Variants in ANTXRL observed in about 807,000 individuals in gnomAD.
The protein encoded by ANTXRL is ANTXR like, also known as anthrax toxin receptor-like.
In ANTXRL, 63 loss-of-function variants were observed where a neutral mutation model predicts 75.4. That is an observed-to-expected ratio of 0.84 (90% CI 0.68 to 1.03). The LOEUF is 1.03. ANTXRL is among the 50% of genes least tolerant of loss of function. The probability of loss-of-function intolerance (pLI) is 0.00; values close to 1 mark genes in which losing one functional copy is unlikely to be tolerated. For missense variants in ANTXRL, 797 were observed against 789.4 expected, an observed-to-expected ratio of 1.01 and a Z score of -0.12; for synonymous variants, 335 against 291.3, an observed-to-expected ratio of 1.15 and a Z score of -1.53.
intron 12 of ANTXRL, 85 bp downstream of exon 12, chr10:46,307,565 T>G (rs1838167768): frequency 8.0e-7 from 1 of 1,249,702 alleles, no homozygotes. Flanking sequence ...GGCAGACCGT[T>G]CCCAGGCAGT....
rs781896937 is a variant in ANTXRL, at chr10:46,287,147, G to C, written c.-116G>C. ...GTGTGCACTGGTGAAAGGGCAGGAG[G>C]AGGGGTGTGGCCCCGGGCATAAGGG... On this transcript the variant is annotated 5_prime_UTR_variant, in exon 1 of 17. Coordinates refer to ENST00000620264, the MANE Select transcript of ANTXRL (RefSeq NM_001278688.3). The C allele has an allele frequency of 4.0e-5, 53 of 1,332,862 alleles. No homozygotes were observed. Among genetic ancestry groups the C allele is most frequent in the Non-Finnish European group, 5.2e-5 (52 of 999,794 alleles). The allele number at this position is 1,332,862 out of a possible 1,614,324, so 82.6% of individuals were successfully genotyped here.
intron 10 of ANTXRL, among the ~76,000 whole-genome samples, chr10:46,305,624 A>T (rs1180578380): frequency 6.6e-6 from 1 of 152,150 alleles, no homozygotes; most frequent in East Asian, 1.9e-4. Context: ...CAGCAGGCAG[A>T]TGCAGCAGGG....
At chr10:46,315,312 G>A (rs1213631639) in intron 16 of ANTXRL, among the ~76,000 whole-genome samples, 1 of 152,240 alleles carries the variant, frequency 6.6e-6, no homozygotes, top group Non-Finnish European at 1.5e-5. Flanking sequence ...TGAGGCTGGA[G>A]GAGAGAGAGT....
intron 9 of ANTXRL, 126 bp downstream of exon 9, chr10:46,298,188 G>A: frequency 2.2e-6 from 2 of 902,432 alleles, no homozygotes; most frequent in African/African-American, 3.3e-5. Flanking sequence ...TGAGTGTGGT[G>A]TGTGTATGTG....
intron 3 of ANTXRL, among the ~76,000 whole-genome samples, chr10:46,294,937 C>T (rs1554958095): frequency 1.3e-5 from 2 of 152,240 alleles, no homozygotes; most frequent in African/African-American, 2.4e-5. Context: ...TGTGCAGGCT[C>T]AGCCTGTCAC....
At position 46,287,554 on chromosome 10, in the gene ANTXRL, C is replaced by G. The variant is rs1554955582; in HGVS notation, c.248+44C>G. The stretch of plus-strand genomic sequence containing the variant: ...TCTGGCCCTGGGTCACCCTCAGGAG[C>G]CACTGTCTCTTTTTCACTAGGGACA... On this transcript the variant is annotated intron_variant, in intron 1 of 16. Transcript: ENST00000620264. 9 of 1,505,582 alleles carry G rather than the reference C, an allele frequency of 6.0e-6. No individual in the cohort carries two copies. In the Admixed American group the frequency reaches 6.5e-5, roughly 11 times the overall value. The allele number at this position is 1,505,582 out of a possible 1,614,324, so 93.3% of individuals were successfully genotyped here.
chr10:46,317,969 C>A (rs1251800314), intron 16 of ANTXRL, among the ~76,000 whole-genome samples: 5 of 152,098 alleles, frequency 3.3e-5, no homozygotes, highest in Non-Finnish European at 7.4e-5. Flanking sequence ...TACACTTACC[C>A]CACAGATTCA....
rs782642925 is a variant in ANTXRL at position 46,302,814 on chromosome 10, A to C, written c.889A>C (p.Ile297Leu). ...ICRFIFNEST[I>L]IDEKPTSIDN... is the part of the protein sequence containing the mutation. ...CAGATTTATCTTCAATGAAAGCACT[A>C]TCATTGGTAAGTTGTCTCCTCTGTG... is the stretch of plus-strand genomic sequence containing the variant. Residue 297 changes from isoleucine to leucine, a missense_variant, in exon 10 of 17, where the codon ATC becomes CTC. By Grantham distance (5) the Ile-to-Leu change is conservative. Transcript: ENST00000620264. 2 of 1,531,024 alleles carry C rather than the reference A, an allele frequency of 1.3e-6. No homozygotes were observed. The highest frequency in any genetic ancestry group is 1.4e-5 in the African/African-American group (1 of 72,958). 94.8% of individuals were successfully genotyped at this position (1,531,024 alleles called of 1,614,324 possible).
chr10:46,323,030 C>T (rs569822298), intron 16 of ANTXRL, among the ~76,000 whole-genome samples: 1 of 152,078 alleles, frequency 6.6e-6, no homozygotes, highest in Non-Finnish European at 1.5e-5. Flanking sequence ...TAATGAGGAT[C>T]CCACTAGAAG....
intron 16 of ANTXRL, among the ~76,000 whole-genome samples, chr10:46,322,053 C>T (rs960737146): frequency 3.9e-5 from 6 of 152,040 alleles, no homozygotes; most frequent in African/African-American, 9.7e-5. Context: ...ATTTCTCCAG[C>T]GAGTCGCCAG....
At chr10:46,297,553 G>A in intron 7 of ANTXRL, 79 bp downstream of exon 7, 1 of 1,418,010 alleles carries the variant, frequency 7.1e-7, no homozygotes, top group South Asian at 1.2e-5. Context: ...GCCACCCCAA[G>A]GACGGTTGTC....
intron 9 of ANTXRL, among the ~76,000 whole-genome samples, chr10:46,299,918 C>G (rs531432644): frequency 1.3e-5 from 2 of 152,266 alleles, no homozygotes; most frequent in African/African-American, 4.8e-5. Flanking sequence ...GAGCTGAGGG[C>G]AGGGGTGGAG....
intron 1 of ANTXRL, among the ~76,000 whole-genome samples, chr10:46,288,603 ATAGTCT>A (rs1430421467): frequency 6.6e-6 from 1 of 152,156 alleles, no homozygotes; most frequent in Non-Finnish European, 1.5e-5. Flanking sequence ...CACTAGCCAC[ATAGTCT>A]TGGGCAAGTT....
At chr10:46,301,899 GC>G (rs1837768321) in intron 9 of ANTXRL, among the ~76,000 whole-genome samples, 1 of 152,202 alleles carries the variant, frequency 6.6e-6, no homozygotes, top group Admixed American at 6.5e-5. Context: ...GGAGGCCAAT[GC>G]CCTTGGCAGC....
At chr10:46,323,321 C>T (rs1238693651) in intron 16 of ANTXRL, among the ~76,000 whole-genome samples, 1 of 152,142 alleles carries the variant, frequency 6.6e-6, no homozygotes, top group Non-Finnish European at 1.5e-5. Flanking sequence ...AGCCAATGTA[C>T]TGTCTCGTAA....
intron 15 of ANTXRL, among the ~76,000 whole-genome samples, chr10:46,312,237 T>C (rs1401217820): frequency 6.6e-6 from 1 of 151,380 alleles, no homozygotes; most frequent in Non-Finnish European, 1.5e-5. Context: ...TGACAGGTGC[T>C]GCAGGGAGGG....
chr10:46,322,412 T>G (rs1292326358), intron 16 of ANTXRL, among the ~76,000 whole-genome samples: 1 of 149,868 alleles, frequency 6.7e-6, no homozygotes, highest in East Asian at 2.0e-4. Flanking sequence ...GAGCCGAGAT[T>G]GCACCACTGC....
chr10:46,294,161 C>T lies in ANTXRL; in HGVS notation c.392+261C>T, dbSNP rs59064997. On this transcript the variant is annotated intron_variant, in intron 3 of 16. Transcript: ENST00000620264. Reference sequence around the variant, plus strand: ...ACTTCACGCTCCCCTGCCCTCTCTCCGCTCTGCCTCCTTCCCTGAAAGGTG... The same window carrying T: ...ACTTCACGCTCCCCTGCCCTCTCTCTGCTCTGCCTCCTTCCCTGAAAGGTG... 1,413 of 510,342 alleles carry T rather than the reference C, an allele frequency of 2.8e-3. 13 individuals are homozygous for T. Among genetic ancestry groups the T allele is most frequent in the African/African-American group, 0.025 (1,308 of 51,670 alleles). 31.6% of individuals were successfully genotyped at this position (510,342 alleles called of 1,614,324 possible). A position where few individuals can be genotyped will look rare whatever the true frequency, so the allele number is the denominator to read the frequency against.
chr10:46,318,516 TAGAC>T (rs1426907785), intron 16 of ANTXRL, among the ~76,000 whole-genome samples: 2 of 151,642 alleles, frequency 1.3e-5, no homozygotes, highest in African/African-American at 2.4e-5. Context: ...TCGAAAAAAA[TAGAC>T]AGTTAAGAAT....
Sources: allele counts gnomAD v4.1 joint callset (sites outside exome capture counted in the v4.1 genomes callset), GRCh38; gene constraint gnomAD v4.1.1; transcripts MANE v1.5; gene names NCBI Gene and HGNC (gene_info 2026-07-23, HGNC 2026-07-21).